Variants in GLRA2 observed in about 807,000 individuals in gnomAD.
GLRA2 encodes the protein glycine receptor alpha 2.
In GLRA2, 11 loss-of-function variants were observed where a neutral mutation model predicts 31.6. The ratio of observed to expected loss-of-function variants is 0.35; its 90% CI spans 0.22 to 0.58. GLRA2 has a LOEUF of 0.58. Ranked by LOEUF, GLRA2 falls within the 20% of genes least tolerant of loss-of-function variation. GLRA2 has a pLI of 0.84. For synonymous variants in GLRA2, 132 were observed against 134.0 expected (o/e 0.99, Z 0.10); for missense variants, 212 against 351.8 (o/e 0.60, Z 3.18).
chrX:14,614,981 C>T (rs1442066144), intron 7 of GLRA2, among the ~76,000 whole-genome samples: 3 of 112,043 alleles, frequency 2.7e-5, no homozygotes, highest in Non-Finnish European at 5.6e-5. Flanking sequence ...AGTCTCTAGA[C>T]AGCATTTTCT....
the GLRA2 span, among the ~76,000 whole-genome samples, chrX:14,465,134 A>T: frequency 8.9e-6 from 1 of 112,083 alleles, no homozygotes; most frequent in East Asian, 2.8e-4. Flanking sequence ...ATCCATGAGC[A>T]TGAATGTCTA....
chrX:14,474,014 A>C, the GLRA2 span, among the ~76,000 whole-genome samples: 1 of 111,522 alleles, frequency 9.0e-6, no homozygotes, highest in East Asian at 2.8e-4. Flanking sequence ...AGATTGAAGC[A>C]ATACAGTAGG....
the GLRA2 span, among the ~76,000 whole-genome samples, chrX:14,468,939 GT>G: frequency 9.0e-6 from 1 of 110,768 alleles, no homozygotes; most frequent in Non-Finnish European, 1.9e-5. Flanking sequence ...TTTTTCATGT[GT>G]TTTTTGGCTG....
chrX:14,528,725 A>G (rs2089213833), upstream of GLRA2, among the ~76,000 whole-genome samples: 1 of 112,227 alleles, frequency 8.9e-6, no homozygotes, highest in Non-Finnish European at 1.9e-5. Flanking sequence ...GAATGGGCAG[A>G]TGAACTAAAC....
At chrX:14,595,330 G>A (rs2090190215) in intron 4 of GLRA2, among the ~76,000 whole-genome samples, 1 of 111,774 alleles carries the variant, frequency 8.9e-6, no homozygotes, top group Non-Finnish European at 1.9e-5. Flanking sequence ...AGAGTTGGAA[G>A]GTGTTTGAGC....
At chrX:14,622,916 T>C (rs1234469918) in intron 7 of GLRA2, among the ~76,000 whole-genome samples, 2 of 112,078 alleles carry the variant, frequency 1.8e-5, no homozygotes, top group Non-Finnish European at 1.9e-5. Context: ...GGGGATGGCA[T>C]TGAATCTATA....
intron 7 of GLRA2, among the ~76,000 whole-genome samples, chrX:14,665,418 C>G (rs188452120): frequency 1.4e-4 from 16 of 112,169 alleles, no homozygotes; most frequent in African/African-American, 4.9e-4. Flanking sequence ...ATTCCATTAG[C>G]TGATTTAGAA....
the GLRA2 span, among the ~76,000 whole-genome samples, chrX:14,495,601 C>T: frequency 1.3e-4 from 14 of 108,139 alleles, no homozygotes; most frequent in East Asian, 5.8e-4. Flanking sequence ...TATATATATA[C>T]GCACTATATA....
the GLRA2 span, among the ~76,000 whole-genome samples, chrX:14,497,683 A>G: frequency 8.9e-6 from 1 of 111,874 alleles, no homozygotes; most frequent in Non-Finnish European, 1.9e-5. Flanking sequence ...CATTTGAACC[A>G]GATTTTAAAA....
At chrX:14,532,173 C>A (rs45562641) in intron 1 of GLRA2, 66 bp from the exon 2 acceptor site, 1,243 of 744,644 alleles carry the variant, frequency 1.7e-3, no homozygotes, top group Non-Finnish European at 2.0e-3. Context: ...GTTAAAAATG[C>A]AGTGAGCGTT....
chrX:14,484,772 C>G, the GLRA2 span, among the ~76,000 whole-genome samples: 4 of 111,577 alleles, frequency 3.6e-5, no homozygotes, highest in Admixed American at 9.5e-5. Flanking sequence ...CTGAAGGGCA[C>G]ATAGTTAATA....
rs1442176027 is a variant in GLRA2, at chrX:14,569,116, A to C, written c.203-5217A>C. 2.7e-5 allele frequency among the ~76,000 whole-genome samples: 3 copies of C among 110,516 alleles called. 1 individual carries two copies. The highest frequency in any genetic ancestry group is 5.7e-5 in the Non-Finnish European group (3 of 52,754). ...CTAAAAATACAAAAATTAGCCAGGC[A>C]TGATGGTGGGTGCCTGTAATCCCAG... On this transcript the variant is annotated intron_variant, in intron 2 of 8. Coordinates refer to ENST00000218075, the MANE Select transcript of GLRA2 (RefSeq NM_002063.4).
chrX:14,637,059 T>TA (rs980419317), intron 7 of GLRA2, among the ~76,000 whole-genome samples: 2 of 111,644 alleles, frequency 1.8e-5, no homozygotes, highest in Non-Finnish European at 3.8e-5. Context: ...ATATTCATGT[T>TA]AAAAAAAATA....
chrX:14,631,375 A>G (rs1243974008), intron 7 of GLRA2, among the ~76,000 whole-genome samples: 2 of 111,064 alleles, frequency 1.8e-5, no homozygotes, highest in African/African-American at 6.5e-5. Context: ...ATCTGTGTCA[A>G]TTCTGGGTTG....
At chrX:14,672,861 C>T (rs2147159330) in intron 7 of GLRA2, among the ~76,000 whole-genome samples, 1 of 111,408 alleles carries the variant, frequency 9.0e-6, no homozygotes, top group South Asian at 3.8e-4. Context: ...AGCTGATTAA[C>T]TTCAAGAGCT....
At chrX:14,601,590 C>T in intron 4 of GLRA2, among the ~76,000 whole-genome samples, 1 of 111,661 alleles carries the variant, frequency 9.0e-6, no homozygotes, top group Middle Eastern at 4.6e-3. Flanking sequence ...TAATGGTGTG[C>T]TTATTTCCAA....
chrX:14,720,360 C>T lies in GLRA2; in HGVS notation c.1081-9847C>T, dbSNP rs762732977. ...AAAAATTTAAATGTAGCTCAAAACTCAGGATCTCATCATGTAAGTCAAATG... is the reference window on the plus strand; with the variant it reads ...AAAAATTTAAATGTAGCTCAAAACTTAGGATCTCATCATGTAAGTCAAATG... On this transcript the variant is annotated intron_variant, in intron 8 of 8. Coordinates refer to ENST00000218075, the MANE Select transcript of GLRA2 (RefSeq NM_002063.4). Among the ~76,000 whole-genome samples the T allele has an allele frequency of 1.2e-3, 131 of 111,807 alleles. 1 individual carries two copies. The highest frequency in any genetic ancestry group is 3.8e-4 in the Admixed American group (4 of 10,524).
chrX:14,607,402 T>G (rs1227666194), intron 6 of GLRA2, 134 bp downstream of exon 6: 2 of 501,032 alleles, frequency 4.0e-6, no homozygotes, highest in Non-Finnish European at 6.4e-6. Context: ...GGACCTGATT[T>G]GGCTCAAAAC....
chrX:14,521,578 T>C, the GLRA2 span, among the ~76,000 whole-genome samples: 47 of 111,427 alleles, frequency 4.2e-4, no homozygotes, highest in Admixed American at 1.4e-3. Context: ...GGTGTCCAGC[T>C]TGCAGATGGT....
Sources: gnomAD v4.1 joint callset for allele counts (sites outside exome capture counted in the v4.1 genomes callset) on GRCh38, gnomAD v4.1.1 for gene constraint, MANE v1.5 for transcripts, NCBI Gene and HGNC (gene_info 2026-07-23, HGNC 2026-07-21) for gene names.